The following ALK variants were observed in gnomAD, a reference collection of about 807,000 sequenced individuals.
ALK encodes ALK receptor tyrosine kinase, also known as ALK tyrosine kinase receptor.
A neutral mutation model predicts 163.1 loss-of-function variants in ALK; 74 were observed. That is an observed-to-expected ratio of 0.45 (90% CI 0.38 to 0.55). ALK has a LOEUF of 0.55. Ranked by LOEUF, ALK falls within the 20% of genes least tolerant of loss-of-function variation. The pLI is 0.00. For missense variants in ALK, 2,063 were observed against 2,105.3 expected (o/e 0.98, Z 0.39); for synonymous variants, 960 against 843.2 (o/e 1.14, Z -2.40).
chr2:29,229,162 G>C (rs1573134996), intron 15 of ALK, 96 bp from the exon 16 acceptor site: 3 of 1,099,676 alleles, frequency 2.7e-6, no homozygotes, highest in South Asian at 2.6e-5. Context: ...CTTGGAGGGC[G>C]CCCGCACCAG....
intron 26 of ALK, among the ~76,000 whole-genome samples, chr2:29,199,211 C>G (rs1669099870): frequency 6.6e-6 from 1 of 152,184 alleles, no homozygotes; most frequent in Non-Finnish European, 1.5e-5. Flanking sequence ...ACCTCGGCCT[C>G]CCAAAGTGCT....
In ALK at chr2:29,223,461, C is replaced by T. The variant is rs760768939; in HGVS notation, c.3240G>A (p.Leu1080=). 4 of 1,614,162 alleles carry T rather than the reference C, an allele frequency of 2.5e-6. No homozygotes were observed. Among genetic ancestry groups the T allele is most frequent in the Non-Finnish European group, 3.4e-6 (4 of 1,180,034 alleles). ...TGATGGTCGAGGTGCGGAGCTTGCT[C>T]AGCTTGTACTCAGGGCTCTGCAGCT... ...QMELQSPEYK[L]SKLRTSTIMT... is the part of the protein sequence containing the mutation. Residue 1080 remains leucine (L), a synonymous_variant, in exon 20 of 29, where the codon CTG becomes CTA. Transcript: ENST00000389048.
chr2:29,460,601 G>T (rs1671062200), intron 4 of ALK, among the ~76,000 whole-genome samples: 1 of 151,978 alleles, frequency 6.6e-6, no homozygotes, highest in Non-Finnish European at 1.5e-5. Context: ...AGTGATCTTT[G>T]ATGTTAGTAT....
chr2:29,398,876 C>T (rs2148313595), intron 4 of ALK, among the ~76,000 whole-genome samples: 1 of 152,302 alleles, frequency 6.6e-6, no homozygotes, highest in African/African-American at 2.4e-5. Context: ...AGCTCTGAGC[C>T]TCTGATTCAA....
intron 3 of ALK, among the ~76,000 whole-genome samples, chr2:29,681,955 A>G (rs1268551002): frequency 1.3e-5 from 2 of 152,062 alleles, no homozygotes; most frequent in East Asian, 3.9e-4. Flanking sequence ...TCTCTTATCA[A>G]TTTAGGCAAC....
In ALK at chr2:29,920,124, C is replaced by T. The variant is rs1316424431; in HGVS notation, c.536G>A (p.Arg179His). 5.6e-6 allele frequency: 9 copies of T among 1,614,070 alleles called. No homozygotes were observed. The East Asian group carries it at 1.8e-4, about 32-fold the overall frequency. The change falls in exon 1 of 29, where the codon CGC (arginine) becomes CAC (histidine). Residue 179 changes from arginine (R) to histidine (H), a missense_variant. Physicochemically the swap from Arg to His is conservative, Grantham distance 29. Around this residue, in one of 5 missense-constraint regions of ALK, gnomAD observed 987 missense variants for 939.5 expected, o/e 1.05. Coordinates refer to ENST00000389048, the MANE Select transcript of ALK (RefSeq NM_004304.5). Reference sequence around the variant, plus strand: ...GATCCTCAGTCGCCCTTCGCCTTGGCGAATCCACCAACTGAACAGCTCGCT... The same window carrying T: ...GATCCTCAGTCGCCCTTCGCCTTGGTGAATCCACCAACTGAACAGCTCGCT... Reference protein sequence around the residue: ...NLSELFSWWIRQGEGRLRIRL... With the variant: ...NLSELFSWWIHQGEGRLRIRL...
At chr2:29,326,194 A>G (rs1257246138) in intron 6 of ALK, among the ~76,000 whole-genome samples, 4 of 152,078 alleles carry the variant, frequency 2.6e-5, no homozygotes, top group Non-Finnish European at 5.9e-5. Context: ...CCTGAAGTAG[A>G]CTGCCCTGAA....
At chr2:29,351,990 C>T (rs1220398229) in intron 5 of ALK, among the ~76,000 whole-genome samples, 2 of 152,122 alleles carry the variant, frequency 1.3e-5, no homozygotes, top group Non-Finnish European at 2.9e-5. Flanking sequence ...CAGCCCTAGC[C>T]CTGGCAGCCA....
chr2:29,691,104 G>A (rs1678381939), intron 3 of ALK, among the ~76,000 whole-genome samples: 1 of 152,186 alleles, frequency 6.6e-6, no homozygotes, highest in Non-Finnish European at 1.5e-5. Context: ...ACAATAGGCT[G>A]CTTCATGAGG....
At chr2:29,322,063 C>A (rs55793959) in intron 6 of ALK, among the ~76,000 whole-genome samples, 2 of 152,210 alleles carry the variant, frequency 1.3e-5, no homozygotes, top group Non-Finnish European at 2.9e-5. Flanking sequence ...CTATTCCAGG[C>A]GATTCTGATG....
intron 8 of ALK, among the ~76,000 whole-genome samples, chr2:29,304,935 C>A (rs1666463253): frequency 6.6e-6 from 1 of 152,204 alleles, no homozygotes; most frequent in Non-Finnish European, 1.5e-5. Context: ...TTAGAATCAG[C>A]TTTCCAGACG....
chr2:29,747,868 G>A (rs183628934), intron 1 of ALK, among the ~76,000 whole-genome samples: 51 of 152,184 alleles, frequency 3.4e-4, no homozygotes, highest in Admixed American at 2.7e-3. Context: ...CTTCTAAAGT[G>A]GCAAGGTCCA....
intron 5 of ALK, among the ~76,000 whole-genome samples, chr2:29,337,853 T>A (rs1057140331): frequency 6.6e-6 from 1 of 152,218 alleles, no homozygotes. Flanking sequence ...TTTGTGTTGA[T>A]GAGCTGCCTA....
intron 3 of ALK, chr2:29,681,065 T>A (rs2541171): frequency 0.87 from 132,335 of 152,138 alleles, 57,823 homozygotes; most frequent in African/African-American, 0.95. Flanking sequence ...GCTGGAGTGC[T>A]GTGGCTATTC....
chr2:29,840,130 T>G (rs1378366886), intron 1 of ALK, among the ~76,000 whole-genome samples: 1 of 152,212 alleles, frequency 6.6e-6, no homozygotes, highest in Non-Finnish European at 1.5e-5. Context: ...ATGTCTCATA[T>G]ATCCTAAAAC....
intron 25 of ALK, among the ~76,000 whole-genome samples, chr2:29,208,426 T>G (rs1461014716): frequency 6.6e-6 from 1 of 152,196 alleles, no homozygotes; most frequent in East Asian, 1.9e-4. Context: ...CGAGGAGTCA[T>G]GCTGCAGCAT....
At chr2:29,276,313 CT>C (rs1191324201) in intron 9 of ALK, among the ~76,000 whole-genome samples, 2 of 152,204 alleles carry the variant, frequency 1.3e-5, no homozygotes, top group Non-Finnish European at 2.9e-5. Context: ...TTCCCCCACC[CT>C]TTCATATCCT....
chr2:29,532,128 C>A lies in ALK; in HGVS notation c.953-12G>T. On this transcript the variant is annotated splice_polypyrimidine_tract_variant and intron_variant, in intron 3 of 28. Coordinates refer to ENST00000389048, the MANE Select transcript of ALK (RefSeq NM_004304.5). ...AAGGAGAAAGGAGCCTGGAAAGAGA[C>A]AGGGAAAACGAATCTGCAGATGTGT... The A allele has an allele frequency of 6.2e-7, 1 of 1,613,414 alleles. No homozygotes were observed. Among genetic ancestry groups the A allele is most frequent in the South Asian group, 1.1e-5 (1 of 91,002 alleles).
intron 1 of ALK, among the ~76,000 whole-genome samples, chr2:29,859,078 T>C (rs544854219): frequency 1.3e-5 from 2 of 152,208 alleles, no homozygotes; most frequent in South Asian, 2.1e-4. Flanking sequence ...TCTGACCCAG[T>C]TGATCTTCCA....
Sources: allele counts gnomAD v4.1 joint callset (sites outside exome capture counted in the v4.1 genomes callset), GRCh38; gene constraint gnomAD v4.1.1; regional missense constraint gnomAD v4.1.1; transcripts MANE v1.5; gene names NCBI Gene and HGNC (gene_info 2026-07-23, HGNC 2026-07-21).